CCSER1: variants seen among roughly 807,000 people sequenced by gnomAD.
CCSER1 encodes serine-rich coiled-coil domain-containing protein 1.
Under a neutral mutation model 82.0 loss-of-function variants are expected in CCSER1, and 41 were observed. That is an observed-to-expected ratio of 0.50 (90% CI 0.39 to 0.65). CCSER1 has a LOEUF of 0.65. Ranked by LOEUF, CCSER1 falls within the 30% of genes least tolerant of loss-of-function variation. The pLI, the probability that CCSER1 is intolerant of heterozygous loss-of-function variation, is 0.00. For synonymous variants in CCSER1, 414 were observed against 383.9 expected (o/e 1.08, Z -0.92); for missense variants, 1,119 against 1,064.2 (o/e 1.05, Z -0.72).
At chr4:91,582,915 G>A (rs2110318332) in intron 10 of CCSER1, among the ~76,000 whole-genome samples, 1 of 151,436 alleles carries the variant, frequency 6.6e-6, no homozygotes, top group East Asian at 1.9e-4. Context: ...CTGATCATAA[G>A]GTAATTTTTA....
intron 10 of CCSER1, among the ~76,000 whole-genome samples, chr4:91,160,493 C>T (rs1202317360): frequency 1.3e-5 from 2 of 152,182 alleles, no homozygotes; most frequent in Non-Finnish European, 2.9e-5. Context: ...AGTGGTTGAA[C>T]TAGTTTACAG....
At position 90,691,708 on chromosome 4, in the gene CCSER1, A is replaced by G. The variant is rs1479406328; in HGVS notation, c.1933-32206A>G. On this transcript the variant is annotated intron_variant, in intron 6 of 10. Coordinates refer to ENST00000509176, the MANE Select transcript of CCSER1 (RefSeq NM_001145065.2). Reference sequence around the variant, plus strand: ...GTATATATATACACACATATATGTTATTTTATTTTACATTCAGGAGTACAT... The same window carrying G: ...GTATATATATACACACATATATGTTGTTTTATTTTACATTCAGGAGTACAT... Among the ~76,000 whole-genome samples the G allele has an allele frequency of 1.5e-4, 23 of 151,438 alleles. 1 individual carries two copies. In the Admixed American group the frequency reaches 1.5e-3, roughly 10 times the overall value.
chr4:90,727,748 A>G (rs1561026495), intron 7 of CCSER1, among the ~76,000 whole-genome samples: 2 of 152,294 alleles, frequency 1.3e-5, no homozygotes, highest in East Asian at 3.9e-4. Context: ...ATAAAAGTAC[A>G]ATTTATCATG....
chr4:91,006,583 A>G (rs1353540582), intron 9 of CCSER1, among the ~76,000 whole-genome samples: 4 of 150,310 alleles, frequency 2.7e-5, no homozygotes, highest in East Asian at 2.0e-4. Context: ...TCTGCCTCCC[A>G]GGTTCACACC....
intron 4 of CCSER1, among the ~76,000 whole-genome samples, chr4:90,405,645 C>G (rs1408198658): frequency 1.3e-5 from 2 of 152,132 alleles, no homozygotes; most frequent in Non-Finnish European, 2.9e-5. Context: ...GAAAACCTAT[C>G]AGATTAACAG....
chr4:90,725,814 C>A (rs1561023008), intron 7 of CCSER1, among the ~76,000 whole-genome samples: 1 of 151,690 alleles, frequency 6.6e-6, no homozygotes, highest in Non-Finnish European at 1.5e-5. Context: ...TTTCTTATAA[C>A]CACATTCTGA....
intron 10 of CCSER1, among the ~76,000 whole-genome samples, chr4:91,468,279 C>T (rs941717497): frequency 2.8e-4 from 43 of 152,248 alleles, no homozygotes; most frequent in Non-Finnish European, 1.5e-4. Flanking sequence ...TGCATGTTCT[C>T]ACTCATAGGT....
At chr4:90,897,766 C>A (rs13107332) in intron 8 of CCSER1, among the ~76,000 whole-genome samples, 47,466 of 151,844 alleles carry the variant, frequency 0.31, 8,117 homozygotes, top group Non-Finnish European at 0.39. Flanking sequence ...ATTCCCTTTT[C>A]TCCATATGTA....
At chr4:90,905,327 T>C (rs532626670) in intron 8 of CCSER1, among the ~76,000 whole-genome samples, 37 of 151,150 alleles carry the variant, frequency 2.4e-4, no homozygotes, top group African/African-American at 8.3e-4. Context: ...ATTGTGCCAA[T>C]ATTCTCCTTG....
chr4:90,656,340 C>T (rs1729698987), intron 6 of CCSER1, among the ~76,000 whole-genome samples: 2 of 151,332 alleles, frequency 1.3e-5, no homozygotes, highest in Non-Finnish European at 3.0e-5. Context: ...CTCTTTTATT[C>T]TGTCAATTTT....
At chr4:90,725,076 A>T in intron 7 of CCSER1, 1 of 383,286 alleles carries the variant, frequency 2.6e-6, no homozygotes, top group Non-Finnish European at 5.2e-6. Context: ...TTCTGATTAC[A>T]TTATTTATTG....
intron 10 of CCSER1, among the ~76,000 whole-genome samples, chr4:91,423,823 CTG>C (rs1194890885): frequency 6.6e-6 from 1 of 151,988 alleles, no homozygotes; most frequent in Non-Finnish European, 1.5e-5. Context: ...CACTGAGTCT[CTG>C]TATTGTGCAC....
At chr4:91,517,538 C>T (rs12640576) in intron 10 of CCSER1, among the ~76,000 whole-genome samples, 15,052 of 152,146 alleles carry the variant, frequency 0.099, 816 homozygotes, top group South Asian at 0.2. Flanking sequence ...TTATAATCCA[C>T]AACTTCTTTG....
At chr4:91,523,484 G>A (rs1487654982) in intron 10 of CCSER1, among the ~76,000 whole-genome samples, 1 of 152,116 alleles carries the variant, frequency 6.6e-6, no homozygotes, top group Non-Finnish European at 1.5e-5. Context: ...GTAGAATTCG[G>A]CTGGGAATCC....
chr4:90,886,431 G>A (rs1203540824), intron 8 of CCSER1, among the ~76,000 whole-genome samples: 1 of 152,140 alleles, frequency 6.6e-6, no homozygotes, highest in Non-Finnish European at 1.5e-5. Context: ...AGAAATGCCT[G>A]TCACTGTTTC....
rs544624612 is a variant in CCSER1 at position 91,119,914 on chromosome 4, G to A, written c.2217+33920G>A. Among the ~76,000 whole-genome samples, 110 of 152,032 alleles carry A rather than the reference G, an allele frequency of 7.2e-4. No homozygotes were observed. The Middle Eastern group carries it at 0.027, about 38-fold the overall frequency. ...GCAGTTAGGAAGATTTGCCATGGAT[G>A]GGGACAGTTTGGAAAAGTGGAGGGT... On this transcript the variant is annotated intron_variant, in intron 10 of 10. Transcript: ENST00000509176.
chr4:90,516,576 G>C (rs1236242001), intron 5 of CCSER1, among the ~76,000 whole-genome samples: 1 of 152,154 alleles, frequency 6.6e-6, no homozygotes, highest in African/African-American at 2.4e-5. Context: ...CAGGAAAATA[G>C]ATTCCTGACC....
At chr4:90,146,247 A>G (rs1173782262) in intron 1 of CCSER1, among the ~76,000 whole-genome samples, 1 of 152,088 alleles carries the variant, frequency 6.6e-6, no homozygotes, top group East Asian at 1.9e-4. Flanking sequence ...GTAGAATTTT[A>G]ATCTACATCT....
chr4:90,763,263 G>T (rs1402315318), intron 7 of CCSER1, among the ~76,000 whole-genome samples: 1 of 151,944 alleles, frequency 6.6e-6, no homozygotes, highest in East Asian at 1.9e-4. Context: ...AAATCATGGA[G>T]GACTCATGGG....
Sources: gnomAD v4.1 joint callset for allele counts (sites outside exome capture counted in the v4.1 genomes callset) on GRCh38, gnomAD v4.1.1 for gene constraint, MANE v1.5 for transcripts, NCBI Gene and HGNC (gene_info 2026-07-23, HGNC 2026-07-21) for gene names.